Variants in MRTFB observed in about 807,000 individuals in gnomAD.
MRTFB encodes myocardin-related transcription factor B.
In MRTFB, 29 loss-of-function variants were observed where a neutral mutation model predicts 104.2. That is an observed-to-expected ratio of 0.28 (90% confidence interval 0.21 to 0.38). The LOEUF (loss-of-function observed/expected upper bound fraction) is 0.38. Among genes scored for constraint, MRTFB ranks in the 10% least tolerant of loss-of-function variants. The pLI is 1.00. For synonymous variants in MRTFB, 535 were observed against 519.5 expected, an observed-to-expected ratio of 1.03 and a Z score of -0.41; for missense variants, 1,270 against 1,341.6, an observed-to-expected ratio of 0.95 and a Z score of 0.83.
At chr16:14,017,593 GTATA>G in the MRTFB span, among the ~76,000 whole-genome samples, 317 of 58,996 alleles carry the variant, frequency 5.4e-3, 1 homozygote, top group East Asian at 0.014. Flanking sequence ...ACTGACTACA[GTATA>G]TATATATATA....
chr16:14,004,482 G>A, the MRTFB span, among the ~76,000 whole-genome samples: 1 of 152,188 alleles, frequency 6.6e-6, no homozygotes. Context: ...GAAGGCCTGT[G>A]CTCTGACCTC....
chr16:14,150,385 T>TA (rs1295240879), intron 3 of MRTFB, among the ~76,000 whole-genome samples: 2 of 152,186 alleles, frequency 1.3e-5, no homozygotes, highest in Non-Finnish European at 2.9e-5. Flanking sequence ...CCCCGTGCAG[T>TA]AAAAAATCCA....
At chr16:14,135,135 A>G (rs938475794) in intron 2 of MRTFB, among the ~76,000 whole-genome samples, 24 of 152,186 alleles carry the variant, frequency 1.6e-4, no homozygotes, top group African/African-American at 5.8e-4. Flanking sequence ...AGTTTCTCCA[A>G]GTGAACACTC....
In MRTFB at chr16:14,252,430, C is replaced by G; in HGVS notation, c.2631C>G (p.Ala877=). The G allele has an allele frequency of 6.2e-7, 1 of 1,613,820 alleles. No homozygotes were observed. The highest frequency in any genetic ancestry group is 2.2e-5 in the East Asian group (1 of 44,852). ...ACTCTCTATTTGGGAGTCCAGTCGC[C>G]AAGACAAAAGATCCCCCCCGCTATG... ...VQHSLFGSPV[A]KTKDPPRYEE... Residue 877 remains alanine, a synonymous_variant, in exon 15 of 17, where the codon GCC becomes GCG. Coordinates refer to ENST00000571589, the MANE Select transcript of MRTFB (RefSeq NM_001308142.2).
chr16:14,225,254 C>G (rs967322436), intron 8 of MRTFB, among the ~76,000 whole-genome samples: 1 of 152,114 alleles, frequency 6.6e-6, no homozygotes, highest in African/African-American at 2.4e-5. Context: ...TGGTCTGTAA[C>G]TCTACTTTTT....
chr16:14,050,184 C>G, the MRTFB span, among the ~76,000 whole-genome samples: 2 of 152,150 alleles, frequency 1.3e-5, no homozygotes, highest in African/African-American at 2.4e-5. Context: ...CACACACACA[C>G]AGAAATGTGG....
chr16:14,068,995 C>T (rs1017297497), upstream of MRTFB, among the ~76,000 whole-genome samples: 1 of 103,640 alleles, frequency 9.6e-6, no homozygotes, highest in African/African-American at 4.0e-5. Flanking sequence ...TTTTTTGAGA[C>T]AGTCTCACTT....
rs1383622478 is a variant in MRTFB, at chr16:14,146,553, G to C, written c.154+5793G>C. Among the ~76,000 whole-genome samples, 3 of 152,276 alleles carry C rather than the reference G, an allele frequency of 2.0e-5. No homozygotes were observed. In the East Asian group the frequency reaches 5.8e-4, roughly 29 times the overall value. ...GTTTGCTGCACACAAGAGAACCCAA[G>C]ATGGCTCTTTGCTTTGGTTTCAATA... On this transcript the variant is annotated intron_variant, in intron 3 of 16. Transcript: ENST00000571589.
At chr16:14,250,504 C>T (rs1404249695) in intron 13 of MRTFB, among the ~76,000 whole-genome samples, 4 of 152,344 alleles carry the variant, frequency 2.6e-5, no homozygotes, top group South Asian at 4.1e-4. Flanking sequence ...AAAACAGCCT[C>T]TCCAAAGGGG....
rs2043786325 is a variant in MRTFB at position 14,261,740 on chromosome 16, CAAAGA to C, written c.*298_*302del. The C allele has an allele frequency of 3.2e-6, 1 of 310,410 alleles. No homozygotes were observed. Among genetic ancestry groups the C allele is most frequent in the African/African-American group, 2.1e-5 (1 of 46,642 alleles). The allele number at this position is 310,410 out of a possible 1,614,324, so 19.2% of individuals were successfully genotyped here. A position where few individuals can be genotyped will look rare whatever the true frequency, so the allele number is the denominator to read the frequency against. ...AATGAAAAGTACCTTTAGATAAAAA[CAAAGA>C]AGAGTAATATATGCAGCACAGTGAC... On this transcript the variant is annotated 3_prime_UTR_variant, in exon 17 of 17. Transcript: ENST00000571589.
At chr16:14,211,299 A>C (rs1199594991) in intron 4 of MRTFB, among the ~76,000 whole-genome samples, 1 of 152,194 alleles carries the variant, frequency 6.6e-6, no homozygotes, top group East Asian at 1.9e-4. Flanking sequence ...ACTATGAACC[A>C]ACTAATCAAA....
intron 12 of MRTFB, 54 bp downstream of exon 12, chr16:14,247,561 C>T: frequency 2.0e-6 from 3 of 1,471,694 alleles, no homozygotes; most frequent in Non-Finnish European, 2.7e-6. Context: ...GGAATGCAAA[C>T]CCTGCTAAGG....
chr16:14,264,800 C>T lies in MRTFB; in HGVS notation c.*3356C>T, dbSNP rs1353142951. ...CTCTGAACTGTGCAGTCAGCATACC[C>T]TGAGTGATGGCTCAGGGGCGCACTA... On this transcript the variant is annotated 3_prime_UTR_variant, in exon 17 of 17. Transcript: ENST00000571589. 2 of 152,188 alleles carry T rather than the reference C, an allele frequency of 1.3e-5. No individual in the cohort carries two copies. Among genetic ancestry groups the T allele is most frequent in the East Asian group, 3.8e-4 (2 of 5,198 alleles). The allele number at this position is 152,188 out of a possible 1,614,324, so 9.4% of individuals were successfully genotyped here.
rs1373928282 is a variant in MRTFB at position 14,264,687 on chromosome 16, T to C, written c.*3243T>C. ...GTAACTGACACTTTTTGGCTTTCAG[T>C]GCTGTTTAGAAACAGTGGCAAAGGC... On this transcript the variant is annotated 3_prime_UTR_variant, in exon 17 of 17. Transcript: ENST00000571589. 1.3e-5 allele frequency: 2 copies of C among 152,236 alleles called. No individual in the cohort carries two copies. The highest frequency in any genetic ancestry group is 3.8e-4 in the East Asian group (2 of 5,206). The allele number at this position is 152,236 out of a possible 1,614,324, so 9.4% of individuals were successfully genotyped here.
the MRTFB span, among the ~76,000 whole-genome samples, chr16:14,001,287 T>C: frequency 6.6e-6 from 1 of 152,188 alleles, no homozygotes; most frequent in Non-Finnish European, 1.5e-5. Context: ...GGATCCAGGA[T>C]GGAACCGATA....
intron 1 of MRTFB, among the ~76,000 whole-genome samples, chr16:14,075,867 T>G (rs1469183705): frequency 6.6e-6 from 1 of 152,214 alleles, no homozygotes; most frequent in African/African-American, 2.4e-5. Context: ...CTCTTTTGCT[T>G]CTTTTTGCGA....
chr16:13,995,596 T>G, the MRTFB span, among the ~76,000 whole-genome samples: 1 of 152,194 alleles, frequency 6.6e-6, no homozygotes, highest in Middle Eastern at 3.2e-3. Context: ...AAGAACTACC[T>G]GAGACTGGGT....
intron 3 of MRTFB, among the ~76,000 whole-genome samples, chr16:14,192,573 A>G (rs760117513): frequency 2.3e-4 from 35 of 152,230 alleles, no homozygotes; most frequent in Non-Finnish European, 4.0e-4. Flanking sequence ...AATGCCAGTT[A>G]TGTTAAACTT....
Position 14,127,917 on chromosome 16 carries a change from ATATATATATATATTTTTTTTTTTTT to A in MRTFB, c.-63-12625_-63-12601del, listed in dbSNP as rs1414501658. Among the ~76,000 whole-genome samples the A allele has an allele frequency of 4.5e-4, 23 of 51,104 alleles. 1 individual carries two copies. The highest frequency in any genetic ancestry group is 5.9e-4 in the Non-Finnish European group (14 of 23,764). 33.5% of individuals were successfully genotyped at this position (51,104 alleles called of 152,430 possible). A position where few individuals can be genotyped will look rare whatever the true frequency, so the allele number is the denominator to read the frequency against. ...CAAAACTGAATATATATATATATAT[ATATATATATATATTTTTTTTTTTTT>A]TTTTTTTTTCTTTTTTTCCCCTTTT... On this transcript the variant is annotated intron_variant, in intron 2 of 16. Transcript: ENST00000571589.
Sources: gnomAD v4.1 joint callset for allele counts (sites outside exome capture counted in the v4.1 genomes callset) on GRCh38, gnomAD v4.1.1 for gene constraint, MANE v1.5 for transcripts, NCBI Gene and HGNC (gene_info 2026-07-23, HGNC 2026-07-21) for gene names.